The following SLC25A48 variants were observed in gnomAD, a reference collection of about 807,000 sequenced individuals.
SLC25A48 encodes the protein solute carrier family 25 member 48.
Under a neutral mutation model 32.2 loss-of-function variants are expected in SLC25A48, and 29 were observed. The ratio of observed to expected loss-of-function variants is 0.90; its 90% CI spans 0.67 to 1.23. The LOEUF (loss-of-function observed/expected upper bound fraction) is 1.23, where lower values mean the gene tolerates loss of function less well. Among genes scored for constraint, SLC25A48 ranks in the 50% most tolerant of loss-of-function variants. The pLI, the probability that SLC25A48 is intolerant of heterozygous loss-of-function variation, is 0.00. For synonymous variants in SLC25A48, 164 were observed against 172.3 expected (o/e 0.95, Z 0.38); for missense variants, 399 against 422.7 (o/e 0.94, Z 0.49).
At chr5:135,769,280 C>G (rs1381287956) in intron 3 of SLC25A48, among the ~76,000 whole-genome samples, 1 of 150,588 alleles carries the variant, frequency 6.6e-6, no homozygotes, top group Non-Finnish European at 1.5e-5. Flanking sequence ...AATGATATTA[C>G]TGACAGCATC....
intron 1 of SLC25A48, among the ~76,000 whole-genome samples, chr5:135,589,093 G>A (rs1240374623): frequency 6.6e-6 from 1 of 152,204 alleles, no homozygotes; most frequent in African/African-American, 2.4e-5. Flanking sequence ...CATAATGACA[G>A]TCACACTGCA....
intron 3 of SLC25A48, among the ~76,000 whole-genome samples, chr5:135,688,235 C>T (rs924069051): frequency 7.9e-5 from 12 of 152,120 alleles, no homozygotes; most frequent in East Asian, 3.8e-4. Context: ...AATAATATTC[C>T]GTCATATGTC....
intron 1 of SLC25A48, among the ~76,000 whole-genome samples, chr5:135,622,828 A>G (rs1384768694): frequency 1.3e-5 from 2 of 152,254 alleles, no homozygotes; most frequent in Non-Finnish European, 2.9e-5. Context: ...TCTGAAATAA[A>G]TGTTACTTTA....
At chr5:135,772,640 A>G (rs4383721) in intron 3 of SLC25A48, among the ~76,000 whole-genome samples, 45,672 of 150,622 alleles carry the variant, frequency 0.3, 7,059 homozygotes, top group East Asian at 0.46. Flanking sequence ...GGGGGGGAGA[A>G]AATGATATTA....
intron 3 of SLC25A48, among the ~76,000 whole-genome samples, chr5:135,772,631 G>C (rs1009468814): frequency 6.7e-6 from 1 of 149,880 alleles, no homozygotes; most frequent in Non-Finnish European, 1.5e-5. Flanking sequence ...ATAACTGGAG[G>C]GGGGGAGAAA....
At chr5:135,884,534 G>A (rs1233751532) in intron 7 of SLC25A48, among the ~76,000 whole-genome samples, 2 of 152,128 alleles carry the variant, frequency 1.3e-5, no homozygotes, top group East Asian at 3.9e-4. Flanking sequence ...CAGCCATGAG[G>A]GACTCCAGTG....
At position 135,740,249 on chromosome 5, in the gene SLC25A48, A is replaced by G. The variant is rs1755469465; in HGVS notation, c.-520-72274A>G. On this transcript the variant is annotated intron_variant, in intron 3 of 10. Coordinates refer to the SLC25A48 transcript ENST00000646290. ...CGGTCTGTCACCCAGGCTGGAGTGC[A>G]GTGGGGTGATCTCGGCTCACTGCAA... 2.0e-5 allele frequency among the ~76,000 whole-genome samples: 3 copies of G among 152,086 alleles called. No homozygotes were observed. The South Asian group carries it at 6.2e-4, about 32-fold the overall frequency.
chr5:135,780,132 A>G (rs1438996454), intron 3 of SLC25A48, among the ~76,000 whole-genome samples: 4 of 109,252 alleles, frequency 3.7e-5, no homozygotes, highest in Admixed American at 9.6e-5. Context: ...AGGTGGTGTA[A>G]ACCGTGCCTG....
intron 3 of SLC25A48, among the ~76,000 whole-genome samples, chr5:135,754,077 C>G (rs191413466): frequency 6.6e-6 from 1 of 151,658 alleles, no homozygotes; most frequent in Non-Finnish European, 1.5e-5. Context: ...AGGGTGTACA[C>G]CCACTGTGAC....
chr5:135,804,648 T>G (rs1014714666), intron 3 of SLC25A48, among the ~76,000 whole-genome samples: 1 of 151,658 alleles, frequency 6.6e-6, no homozygotes, highest in African/African-American at 2.4e-5. Flanking sequence ...GATATTATTC[T>G]TAATATCATA....
intron 3 of SLC25A48, among the ~76,000 whole-genome samples, chr5:135,704,871 A>T (rs1459791122): frequency 6.6e-6 from 1 of 152,196 alleles, no homozygotes; most frequent in Non-Finnish European, 1.5e-5. Flanking sequence ...GCTTCCTGGC[A>T]TTAGGCAGAC....
Position 135,700,439 on chromosome 5 carries a change from AG to A in SLC25A48, c.-521+65484del, listed in dbSNP as rs539073807. ...ATATTGGACTGAAAATGTGAATTTT[AG>A]TCAGCCAAATATTGAGTGAATGCCT... On this transcript the variant is annotated intron_variant, in intron 3 of 10. Transcript: ENST00000646290. 2.4e-4 allele frequency among the ~76,000 whole-genome samples: 36 copies of A among 150,662 alleles called. 1 individual carries two copies. The highest frequency in any genetic ancestry group is 3.4e-3 in the Middle Eastern group (1 of 290).
chr5:135,707,394 T>G (rs952641220), intron 3 of SLC25A48, among the ~76,000 whole-genome samples: 11 of 152,206 alleles, frequency 7.2e-5, no homozygotes, highest in South Asian at 4.1e-4. Flanking sequence ...AAACTCCCAC[T>G]GAGTCTGCAA....
At chr5:135,653,695 A>G (rs1753171828) in intron 3 of SLC25A48, 1 of 413,916 alleles carries the variant, frequency 2.4e-6, no homozygotes, top group Non-Finnish European at 4.9e-6. Flanking sequence ...TTCCCATAAG[A>G]CAGACCAATC....
intron 5 of SLC25A48, 145 bp from the exon 6 acceptor site, chr5:135,873,876 A>G: frequency 1.1e-6 from 1 of 888,226 alleles, no homozygotes. Context: ...AGGGAGAATC[A>G]GAAACAAACT....
intron 3 of SLC25A48, among the ~76,000 whole-genome samples, chr5:135,651,778 C>G (rs948317700): frequency 2.6e-5 from 4 of 152,130 alleles, no homozygotes; most frequent in Admixed American, 6.5e-5. Flanking sequence ...TGCTTGTCCA[C>G]TAGTGTGAAA....
chr5:135,621,653 G>T (rs1039127765), intron 1 of SLC25A48, among the ~76,000 whole-genome samples: 1 of 151,968 alleles, frequency 6.6e-6, no homozygotes, highest in Admixed American at 6.6e-5. Context: ...GGTAAGGAAG[G>T]GTTATTTGAT....
rs150708909 is a variant in SLC25A48 at position 135,724,175 on chromosome 5, G to A, written c.-520-88348G>A. ...CATCATGATCATTTTTCTAAGAGCT[G>A]CCATTTATTGAGCGTTTTCCCTGTG... On this transcript the variant is annotated intron_variant, in intron 3 of 10. Coordinates refer to the SLC25A48 transcript ENST00000646290. 5.8e-3 allele frequency among the ~76,000 whole-genome samples: 885 copies of A among 152,246 alleles called. 3 individuals are homozygous for A. The highest frequency in any genetic ancestry group is 0.011 in the South Asian group (54 of 4,814).
At chr5:135,583,498 A>T (rs1203849271) in intron 1 of SLC25A48, among the ~76,000 whole-genome samples, 2 of 151,364 alleles carry the variant, frequency 1.3e-5, no homozygotes, top group African/African-American at 4.9e-5. Flanking sequence ...AGTCCTTTTT[A>T]CTTCCCTGGC....
Sources: gnomAD v4.1 joint callset for allele counts (sites outside exome capture counted in the v4.1 genomes callset) on GRCh38, gnomAD v4.1.1 for gene constraint, MANE v1.5 for transcripts, NCBI Gene and HGNC (gene_info 2026-07-23, HGNC 2026-07-21) for gene names.